The following DMD variants were observed in gnomAD, a reference collection of about 807,000 sequenced individuals.
The protein encoded by DMD is dystrophin, also known as mutant dystrophin.
DMD carries 63 observed loss-of-function variants against 330.1 expected under a neutral mutation model. That is an observed-to-expected ratio of 0.19 (90% CI 0.16 to 0.24). The LOEUF (loss-of-function observed/expected upper bound fraction) is 0.24, where lower values mean the gene tolerates loss of function less well. Among genes scored for constraint, DMD ranks in the 10% least tolerant of loss-of-function variants. The pLI is 1.00. For missense variants in DMD, 3,344 were observed against 2,684.1 expected (o/e 1.25, Z -5.43); for synonymous variants, 1,223 against 959.8 (o/e 1.27, Z -5.07).
chrX:31,658,940 T>C (rs1440604148), intron 53 of DMD, among the ~76,000 whole-genome samples: 1 of 112,084 alleles, frequency 8.9e-6, no homozygotes, highest in Non-Finnish European at 1.9e-5. Context: ...AAGATAGTTA[T>C]ATCAAATTCA....
At chrX:32,855,808 T>C (rs1457448874) in intron 2 of DMD, among the ~76,000 whole-genome samples, 5 of 110,998 alleles carry the variant, frequency 4.5e-5, no homozygotes, top group Admixed American at 1.9e-4. Flanking sequence ...AAAGCAAACA[T>C]GCACAAATGA....
intron 74 of DMD, among the ~76,000 whole-genome samples, chrX:31,150,940 C>A (rs1199401431): frequency 8.9e-6 from 1 of 111,866 alleles, no homozygotes; most frequent in Admixed American, 9.5e-5. Flanking sequence ...AATGTATGAT[C>A]TTTTTCATCT....
At chrX:32,416,667 A>G (rs1304349993) in intron 29 of DMD, among the ~76,000 whole-genome samples, 4 of 112,112 alleles carry the variant, frequency 3.6e-5, no homozygotes, top group Admixed American at 1.9e-4. Context: ...AAAGTAGAGC[A>G]ATATGGAATA....
intron 60 of DMD, among the ~76,000 whole-genome samples, chrX:31,363,362 A>G (rs774374425): frequency 1.9e-4 from 20 of 105,797 alleles, no homozygotes; most frequent in African/African-American, 5.5e-4. Flanking sequence ...AGTACACATA[A>G]GACATGTATC....
At position 32,879,469 on chromosome X, in the gene DMD, T is replaced by C. The variant is rs183353255; in HGVS notation, c.94-29649A>G. Among the ~76,000 whole-genome samples the C allele has an allele frequency of 1.8e-4, 20 of 112,410 alleles. No homozygotes were observed. In the Admixed American group the frequency reaches 1.8e-3, roughly 10 times the overall value. Reference sequence around the variant, plus strand: ...AAATTACCACTTTGTTCCCATTTTATGAAATTATTGAATAAAGATCACCAT... The same window carrying C: ...AAATTACCACTTTGTTCCCATTTTACGAAATTATTGAATAAAGATCACCAT... On this transcript the variant is annotated intron_variant, in intron 2 of 78. Transcript: ENST00000357033.
At chrX:33,033,729 GCT>G (rs2094157934) in intron 1 of DMD, among the ~76,000 whole-genome samples, 1 of 109,210 alleles carries the variant, frequency 9.2e-6, no homozygotes, top group African/African-American at 3.3e-5. Flanking sequence ...AAAAAAAAAA[GCT>G]CTCATACTAG....
chrX:31,383,286 T>G (rs920061702), intron 60 of DMD, among the ~76,000 whole-genome samples: 1 of 111,896 alleles, frequency 8.9e-6, no homozygotes, highest in East Asian at 2.8e-4. Context: ...CTTTTCGGAC[T>G]CAGCTCGCCT....
chrX:31,632,637 T>C (rs1019785509), intron 54 of DMD, among the ~76,000 whole-genome samples: 29 of 111,555 alleles, frequency 2.6e-4, no homozygotes, highest in Admixed American at 1.9e-4. Flanking sequence ...TTTTGTTCCT[T>C]TTTTTGGTGA....
chrX:32,562,269 A>T (rs1172093786), intron 16 of DMD, among the ~76,000 whole-genome samples: 3 of 112,462 alleles, frequency 2.7e-5, no homozygotes, highest in African/African-American at 9.7e-5. Flanking sequence ...CAACTTAAAT[A>T]CCCTCAGCTT....
intron 41 of DMD, among the ~76,000 whole-genome samples, chrX:32,340,947 T>G (rs1209604330): frequency 1.8e-5 from 2 of 112,003 alleles, no homozygotes; most frequent in African/African-American, 6.5e-5. Context: ...GGGTATTAGA[T>G]TTAACAGAAA....
intron 52 of DMD, among the ~76,000 whole-genome samples, chrX:31,728,183 C>T (rs994868436): frequency 9.0e-6 from 1 of 111,477 alleles, no homozygotes; most frequent in Non-Finnish European, 1.9e-5. Flanking sequence ...CCACCACGCC[C>T]GGCTAATTTT....
intron 44 of DMD, among the ~76,000 whole-genome samples, chrX:32,165,150 C>T (rs1051633065): frequency 3.6e-5 from 4 of 112,209 alleles, no homozygotes; most frequent in South Asian, 3.7e-4. Context: ...CACTGCCTAG[C>T]GGAGCTATGA....
chrX:31,324,800 A>G (rs1190690099), intron 61 of DMD, among the ~76,000 whole-genome samples: 1 of 111,897 alleles, frequency 8.9e-6, no homozygotes, highest in African/African-American at 3.3e-5. Flanking sequence ...GAGATGTAAG[A>G]AAACGTCAAA....
chrX:32,606,738 TATATAC>T (rs778761881), intron 12 of DMD, among the ~76,000 whole-genome samples: 2,061 of 53,125 alleles, frequency 0.039, 60 homozygotes, highest in African/African-American at 0.11. Flanking sequence ...TATATATATA[TATATAC>T]ACACACACAT....
intron 45 of DMD, among the ~76,000 whole-genome samples, chrX:31,943,394 T>C (rs148920842): frequency 5.7e-4 from 64 of 112,469 alleles, no homozygotes; most frequent in Non-Finnish European, 1.1e-3. Context: ...TTTACACAAT[T>C]ATTATTTCAC....
chrX:32,573,420 C>T, intron 15 of DMD, 110 bp downstream of exon 15: 1 of 637,963 alleles, frequency 1.6e-6, no homozygotes, highest in African/African-American at 2.2e-5. Flanking sequence ...AATCTATGAT[C>T]CAAGCAAAAA....
intron 2 of DMD, among the ~76,000 whole-genome samples, chrX:32,964,625 T>G (rs1411599521): frequency 9.0e-6 from 1 of 111,013 alleles, no homozygotes; most frequent in East Asian, 2.9e-4. Context: ...GGAGAATTGC[T>G]TGAACCTGGG....
intron 16 of DMD, among the ~76,000 whole-genome samples, chrX:32,560,352 CAT>C (rs951422637): frequency 4.5e-5 from 5 of 111,173 alleles, no homozygotes; most frequent in Non-Finnish European, 7.5e-5. Context: ...TTCAACAGCA[CAT>C]GTGATTTCAG....
At chrX:32,027,738 C>T (rs751487983) in intron 44 of DMD, among the ~76,000 whole-genome samples, 1 of 112,030 alleles carries the variant, frequency 8.9e-6, no homozygotes, top group Non-Finnish European at 1.9e-5. Flanking sequence ...AGGAATAATG[C>T]GAGTGCTGTC....
Sources: gnomAD v4.1 joint callset for allele counts (sites outside exome capture counted in the v4.1 genomes callset) on GRCh38, gnomAD v4.1.1 for gene constraint, MANE v1.5 for transcripts, NCBI Gene and HGNC (gene_info 2026-07-23, HGNC 2026-07-21) for gene names.